SPIDR: variants seen among roughly 807,000 people sequenced by gnomAD.
SPIDR encodes scaffold protein involved in DNA repair.
Under a neutral mutation model 104.6 loss-of-function variants are expected in SPIDR, and 93 were observed. The ratio of observed to expected loss-of-function variants is 0.89; its 90% CI spans 0.75 to 1.06. The LOEUF (loss-of-function observed/expected upper bound fraction) is 1.06. SPIDR is among the 50% of genes least tolerant of loss of function. SPIDR has a pLI of 0.00. For missense variants in SPIDR, 1,154 were observed against 1,111.2 expected (o/e 1.04, Z -0.55); for synonymous variants, 431 against 416.9 (o/e 1.03, Z -0.41).
At chr8:47,420,695 G>A (rs2065274823) in intron 7 of SPIDR, among the ~76,000 whole-genome samples, 1 of 152,300 alleles carries the variant, frequency 6.6e-6, no homozygotes, top group South Asian at 2.1e-4. Flanking sequence ...AGTTGATGCA[G>A]TTTCTTCTTA....
At chr8:47,614,270 G>A (rs7830859) in intron 10 of SPIDR, among the ~76,000 whole-genome samples, 41,985 of 151,650 alleles carry the variant, frequency 0.28, 6,107 homozygotes, top group Middle Eastern at 0.45. Flanking sequence ...CCAGGCTGGA[G>A]TGCAGTGGTG....
intron 16 of SPIDR, among the ~76,000 whole-genome samples, chr8:47,720,356 A>G (rs562654548): frequency 7.9e-5 from 12 of 152,350 alleles, no homozygotes; most frequent in African/African-American, 2.9e-4. Flanking sequence ...AAGAAGTATG[A>G]TTGCTGGATC....
intron 5 of SPIDR, among the ~76,000 whole-genome samples, chr8:47,320,574 G>A (rs2046358173): frequency 6.6e-6 from 1 of 152,120 alleles, no homozygotes; most frequent in Non-Finnish European, 1.5e-5. Context: ...AGAAAAAGAG[G>A]GAATCCTCCC....
At chr8:47,262,314 AAG>A (rs1297346971) in intron 1 of SPIDR, among the ~76,000 whole-genome samples, 1 of 152,080 alleles carries the variant, frequency 6.6e-6, no homozygotes. Flanking sequence ...GTCATTTTTC[AAG>A]ACTCTTTTTT....
At chr8:47,458,701 T>C (rs567217564) in intron 8 of SPIDR, among the ~76,000 whole-genome samples, 159 of 152,232 alleles carry the variant, frequency 1.0e-3, no homozygotes, top group African/African-American at 3.8e-3. Context: ...AAAGTGGACA[T>C]CCTTGTCGTA....
intron 5 of SPIDR, among the ~76,000 whole-genome samples, chr8:47,366,816 T>G (rs555487022): frequency 6.6e-6 from 1 of 152,322 alleles, no homozygotes; most frequent in East Asian, 1.9e-4. Context: ...TACCTATGAT[T>G]TTTTTTGGTT....
intron 6 of SPIDR, among the ~76,000 whole-genome samples, chr8:47,404,470 C>T (rs559546886): frequency 6.6e-6 from 1 of 152,138 alleles, no homozygotes; most frequent in African/African-American, 2.4e-5. Context: ...GGGCTAATAT[C>T]CAGAATCTAT....
At chr8:47,594,124 C>T (rs1331927483) in intron 8 of SPIDR, among the ~76,000 whole-genome samples, 1 of 139,720 alleles carries the variant, frequency 7.2e-6, no homozygotes, top group Non-Finnish European at 1.5e-5. Flanking sequence ...CTTTGGGAGG[C>T]CGAGGCGGGC....
Position 47,407,975 on chromosome 8 carries a change from A to G in SPIDR, c.877+14A>G. 3 of 1,447,386 alleles carry G rather than the reference A, an allele frequency of 2.1e-6. No individual in the cohort carries two copies. The highest frequency in any genetic ancestry group is 2.6e-5 in the South Asian group (2 of 77,360). 89.7% of individuals were successfully genotyped at this position (1,447,386 alleles called of 1,614,324 possible). A position where few individuals can be genotyped will look rare whatever the true frequency, so the allele number is the denominator to read the frequency against. On this transcript the variant is annotated intron_variant, in intron 7 of 19. Coordinates refer to ENST00000297423, the MANE Select transcript of SPIDR (RefSeq NM_001080394.4). ...AGACACTTTCAGGTAAGGCTTGTGCAGGAATCTGAGACAATGTGTAAAAAA... is the reference window on the plus strand; with the variant it reads ...AGACACTTTCAGGTAAGGCTTGTGCGGGAATCTGAGACAATGTGTAAAAAA...
At chr8:47,731,082 A>AC (rs2085136761) in intron 19 of SPIDR, among the ~76,000 whole-genome samples, 1 of 151,888 alleles carries the variant, frequency 6.6e-6, no homozygotes, top group Non-Finnish European at 1.5e-5. Context: ...ACATGGTGAC[A>AC]CCCCATCTCT....
intron 10 of SPIDR, among the ~76,000 whole-genome samples, chr8:47,654,497 AAGAG>A (rs892917398): frequency 3.9e-5 from 6 of 152,212 alleles, no homozygotes; most frequent in Non-Finnish European, 8.8e-5. Flanking sequence ...GATCTAGAGA[AAGAG>A]AGATACTGGC....
At chr8:47,511,629 CTT>C (rs979312524) in intron 8 of SPIDR, 15 of 795,084 alleles carry the variant, frequency 1.9e-5, no homozygotes, top group Admixed American at 1.4e-4. Context: ...AATGATGTCT[CTT>C]TTCTCCTGCC....
chr8:47,735,412 G>C lies in SPIDR; in HGVS notation c.2710G>C (p.Glu904Gln). 6.2e-7 allele frequency: 1 copy of C among 1,614,164 alleles called. No individual in the cohort carries two copies. Among genetic ancestry groups the C allele is most frequent in the Non-Finnish European group, 8.5e-7 (1 of 1,180,034 alleles). ...PTSCIGLEEI[E>Q]LLSAGGASAE... ...CAGCTGCATTGGATTGGAGGAAATC[G>C]AGCTTCTGAGTGCAGGAGGGGCCTC... The change falls in exon 20 of 20, where the codon GAG (glutamate) becomes CAG (glutamine). Residue 904 changes from glutamate (E) to glutamine (Q), a missense_variant. Coordinates refer to ENST00000297423, the MANE Select transcript of SPIDR (RefSeq NM_001080394.4).
intron 8 of SPIDR, among the ~76,000 whole-genome samples, chr8:47,548,788 A>G (rs1409954201): frequency 6.6e-6 from 1 of 152,160 alleles, no homozygotes; most frequent in Non-Finnish European, 1.5e-5. Context: ...TTTTTATTAT[A>G]CTTTAAGTTC....
intron 8 of SPIDR, among the ~76,000 whole-genome samples, chr8:47,505,539 C>CT (rs1471900821): frequency 3.3e-5 from 5 of 152,202 alleles, no homozygotes; most frequent in Non-Finnish European, 7.3e-5. Flanking sequence ...TCTGTCACCC[C>CT]TTTCTTTGAC....
At chr8:47,390,306 T>C (rs1377137590) in intron 5 of SPIDR, among the ~76,000 whole-genome samples, 1 of 152,040 alleles carries the variant, frequency 6.6e-6, no homozygotes, top group Non-Finnish European at 1.5e-5. Flanking sequence ...GTGAAACAAG[T>C]ATAGTACACA....
At chr8:47,614,457 C>G (rs1456136533) in intron 10 of SPIDR, among the ~76,000 whole-genome samples, 2 of 152,130 alleles carry the variant, frequency 1.3e-5, no homozygotes, top group East Asian at 3.9e-4. Flanking sequence ...CTCCTGACCT[C>G]ATGATCCGCC....
intron 11 of SPIDR, among the ~76,000 whole-genome samples, chr8:47,680,591 T>C (rs1296888622): frequency 6.6e-6 from 1 of 152,204 alleles, no homozygotes; most frequent in Non-Finnish European, 1.5e-5. Flanking sequence ...GAAACTTCAA[T>C]AGTAATTTAC....
intron 1 of SPIDR, among the ~76,000 whole-genome samples, chr8:47,266,002 G>A (rs1255811934): frequency 4.0e-5 from 6 of 150,642 alleles, no homozygotes; most frequent in Non-Finnish European, 8.8e-5. Flanking sequence ...TGCCCGCATC[G>A]ACATCCCAAA....
Sources: allele counts gnomAD v4.1 joint callset (sites outside exome capture counted in the v4.1 genomes callset), GRCh38; gene constraint gnomAD v4.1.1; transcripts MANE v1.5; gene names NCBI Gene and HGNC (gene_info 2026-07-23, HGNC 2026-07-21).